Variants in MTA3 observed in about 807,000 individuals in gnomAD.
MTA3 encodes metastasis-associated protein MTA3.
Under a neutral mutation model 83.5 loss-of-function variants are expected in MTA3, and 34 were observed. The observed-to-expected ratio is 0.41, with a 90% CI of 0.31 to 0.54. The LOEUF is 0.54. MTA3 is among the 20% of genes least tolerant of loss of function. The pLI, the probability that MTA3 is intolerant of heterozygous loss-of-function variation, is 0.33. For missense variants in MTA3, 761 were observed against 726.4 expected (o/e 1.05, Z -0.55); for synonymous variants, 303 against 252.7 (o/e 1.20, Z -1.89).
chr2:42,572,076 G>A (rs1269110630), intron 2 of MTA3, among the ~76,000 whole-genome samples: 1 of 151,982 alleles, frequency 6.6e-6, no homozygotes, highest in Non-Finnish European at 1.5e-5. Context: ...AGGAGATCGA[G>A]ACCATCCTGG....
chr2:42,506,271 C>T (rs992269733), intron 2 of MTA3, among the ~76,000 whole-genome samples: 4 of 151,890 alleles, frequency 2.6e-5, no homozygotes, highest in Non-Finnish European at 4.4e-5. Flanking sequence ...ATAGTGAGAC[C>T]CTGTCTCTAC....
chr2:42,696,416 A>G (rs1417718943), intron 10 of MTA3, among the ~76,000 whole-genome samples: 1 of 152,178 alleles, frequency 6.6e-6, no homozygotes, highest in Non-Finnish European at 1.5e-5. Flanking sequence ...TATTTTTTGA[A>G]TAATATTACC....
intron 2 of MTA3, among the ~76,000 whole-genome samples, chr2:42,543,279 G>A (rs1676603749): frequency 6.6e-6 from 1 of 151,308 alleles, no homozygotes; most frequent in African/African-American, 2.4e-5. Flanking sequence ...CCTGGTTCAA[G>A]CGATTCTCCT....
chr2:42,756,431 GCCACT>G lies in MTA3; in HGVS notation c.*3034_*3038del. On this transcript the variant is annotated 3_prime_UTR_variant, in exon 17 of 17. Coordinates refer to ENST00000405094, the MANE Select transcript of MTA3 (RefSeq NM_001330442.2). Reference sequence around the variant, plus strand: ...AGGCGACCCACCGGGTCAGTCCCCTGCCACTCAGAGCAGAGCAGGGGGCTGAGGGC... The same window carrying G: ...AGGCGACCCACCGGGTCAGTCCCCTGCAGAGCAGAGCAGGGGGCTGAGGGC... 1 of 983,882 alleles carries G rather than the reference GCCACT, an allele frequency of 1.0e-6. No individual in the cohort carries two copies. The highest frequency in any genetic ancestry group is 1.2e-6 in the Non-Finnish European group (1 of 828,524). The allele number at this position is 983,882 out of a possible 1,614,324, so 60.9% of individuals were successfully genotyped here.
At chr2:42,574,159 A>C (rs1195672212) in intron 2 of MTA3, among the ~76,000 whole-genome samples, 2 of 87,452 alleles carry the variant, frequency 2.3e-5, no homozygotes, top group South Asian at 7.5e-4. Context: ...TCTGAGGCGG[A>C]GTTTTGCTGT....
At chr2:42,527,831 A>C (rs531871065) in intron 2 of MTA3, among the ~76,000 whole-genome samples, 1 of 151,942 alleles carries the variant, frequency 6.6e-6, no homozygotes, top group South Asian at 2.1e-4. Flanking sequence ...CTTTAAAAAA[A>C]AAAAAACAAA....
chr2:42,739,405 TAAC>T (rs1186223010), intron 16 of MTA3, among the ~76,000 whole-genome samples: 2 of 146,238 alleles, frequency 1.4e-5, no homozygotes, highest in African/African-American at 5.1e-5. Context: ...ATGTATAAAA[TAAC>T]AATGTATATA....
chr2:42,537,300 A>C (rs1239845045), intron 2 of MTA3, among the ~76,000 whole-genome samples: 1 of 152,204 alleles, frequency 6.6e-6, no homozygotes, highest in South Asian at 2.1e-4. Flanking sequence ...GCAGTGGCTC[A>C]CACCTGTAAT....
chr2:42,742,234 G>A (rs918954008), intron 16 of MTA3, among the ~76,000 whole-genome samples: 3 of 151,314 alleles, frequency 2.0e-5, no homozygotes, highest in African/African-American at 7.3e-5. Flanking sequence ...TGCCTCCTGT[G>A]TTCAAGTAAT....
At chr2:42,543,183 T>G (rs1676598368) in intron 2 of MTA3, among the ~76,000 whole-genome samples, 1 of 151,900 alleles carries the variant, frequency 6.6e-6, no homozygotes, top group South Asian at 2.1e-4. Context: ...TTAAACAATT[T>G]TTTTTGTTTT....
At chr2:42,501,887 A>G (rs754108723) in intron 2 of MTA3, among the ~76,000 whole-genome samples, 2 of 152,194 alleles carry the variant, frequency 1.3e-5, no homozygotes, top group Non-Finnish European at 2.9e-5. Flanking sequence ...CTAAGGCAGG[A>G]GAATCACTTG....
intron 16 of MTA3, among the ~76,000 whole-genome samples, chr2:42,751,269 T>A (rs892465953): frequency 6.6e-6 from 1 of 152,076 alleles, no homozygotes; most frequent in African/African-American, 2.4e-5. Flanking sequence ...AACAAAAAAA[T>A]AAGTGCCTGT....
intron 2 of MTA3, among the ~76,000 whole-genome samples, chr2:42,559,501 CAA>C (rs543291273): frequency 1.2e-3 from 123 of 106,488 alleles, no homozygotes; most frequent in African/African-American, 2.3e-3. Context: ...GACCTTGTCT[CAA>C]AAAAAAAAAA....
chr2:42,672,046 G>A (rs1180887740), intron 8 of MTA3, among the ~76,000 whole-genome samples: 1 of 152,222 alleles, frequency 6.6e-6, no homozygotes, highest in African/African-American at 2.4e-5. Flanking sequence ...GTTCTCCAGT[G>A]TCTTCACACA....
At chr2:42,558,055 TA>T (rs1677482100) in intron 2 of MTA3, among the ~76,000 whole-genome samples, 1 of 152,150 alleles carries the variant, frequency 6.6e-6, no homozygotes. Flanking sequence ...GTTGATTTAT[TA>T]TTACTCTTGC....
chr2:42,731,857 A>C (rs1393029118), intron 16 of MTA3, among the ~76,000 whole-genome samples: 1 of 152,190 alleles, frequency 6.6e-6, no homozygotes, highest in African/African-American at 2.4e-5. Flanking sequence ...CAAGCTAATT[A>C]CTTCCTAGAT....
intron 3 of MTA3, among the ~76,000 whole-genome samples, chr2:42,603,844 G>A (rs527991232): frequency 4.6e-5 from 7 of 151,890 alleles, no homozygotes; most frequent in East Asian, 1.9e-4. Flanking sequence ...CCCGCCTCCC[G>A]GCTTCACGCC....
intron 7 of MTA3, among the ~76,000 whole-genome samples, chr2:42,657,247 A>G (rs1028192938): frequency 7.2e-5 from 11 of 152,208 alleles, no homozygotes; most frequent in Admixed American, 6.5e-4. Context: ...AATGCAGAGG[A>G]AAAAATAGTC....
intron 2 of MTA3, among the ~76,000 whole-genome samples, chr2:42,515,934 G>T (rs545444662): frequency 6.7e-6 from 1 of 150,054 alleles, no homozygotes; most frequent in East Asian, 2.0e-4. Flanking sequence ...TCTGCCTCCC[G>T]GGTTCACGCC....
Sources: allele counts gnomAD v4.1 joint callset (sites outside exome capture counted in the v4.1 genomes callset), GRCh38; gene constraint gnomAD v4.1.1; transcripts MANE v1.5; gene names NCBI Gene and HGNC (gene_info 2026-07-23, HGNC 2026-07-21).